Variants in PKD2L1 observed in about 807,000 individuals in gnomAD.
PKD2L1 encodes the protein polycystin-2-like protein 1.
In PKD2L1, 77 loss-of-function variants were observed where a neutral mutation model predicts 93.0. That is an observed-to-expected ratio of 0.83 (90% CI 0.69 to 1.00). The LOEUF (loss-of-function observed/expected upper bound fraction) is 1.00, where lower values mean the gene tolerates loss of function less well. Among genes scored for constraint, PKD2L1 ranks in the 50% least tolerant of loss-of-function variants. PKD2L1 has a pLI of 0.00. For synonymous variants in PKD2L1, 390 were observed against 388.0 expected (o/e 1.01, Z -0.06); for missense variants, 977 against 990.9 (o/e 0.99, Z 0.19).
intron 2 of PKD2L1, among the ~76,000 whole-genome samples, chr10:100,305,095 A>G (rs1202167236): frequency 1.3e-5 from 2 of 149,738 alleles, no homozygotes; most frequent in African/African-American, 4.9e-5. Flanking sequence ...GAAATAAGTG[A>G]ATCATTTTCT....
chr10:100,307,926 G>C (rs576252922), intron 2 of PKD2L1, among the ~76,000 whole-genome samples: 3 of 152,306 alleles, frequency 2.0e-5, no homozygotes, highest in Non-Finnish European at 4.4e-5. Context: ...CACTAGACCA[G>C]AGTGGGGAAT....
chr10:100,290,193 A>G, intron 13 of PKD2L1, 55 bp from the exon 14 acceptor site: 1 of 1,607,100 alleles, frequency 6.2e-7, no homozygotes, highest in Admixed American at 1.7e-5. Context: ...TGGGGGCTGG[A>G]TGTCTAAAGA....
At chr10:100,325,465 T>C (rs1188571120) in intron 2 of PKD2L1, among the ~76,000 whole-genome samples, 1 of 152,164 alleles carries the variant, frequency 6.6e-6, no homozygotes, top group East Asian at 1.9e-4. Flanking sequence ...GCTAGGAAAC[T>C]AGTATTAGTA....
intron 2 of PKD2L1, among the ~76,000 whole-genome samples, chr10:100,313,263 C>CA (rs1296042091): frequency 3.9e-5 from 6 of 151,936 alleles, no homozygotes; most frequent in African/African-American, 9.7e-5. Context: ...CTAGCTGAAC[C>CA]AAAAAAATGT....
chr10:100,310,023 G>A (rs1260429908), intron 2 of PKD2L1, among the ~76,000 whole-genome samples: 1 of 152,140 alleles, frequency 6.6e-6, no homozygotes, highest in African/African-American at 2.4e-5. Context: ...CCATTTCTGA[G>A]GAAAAGAGAG....
At chr10:100,309,384 T>C (rs1312359807) in intron 2 of PKD2L1, among the ~76,000 whole-genome samples, 1 of 150,600 alleles carries the variant, frequency 6.6e-6, no homozygotes, top group Non-Finnish European at 1.5e-5. Flanking sequence ...TAAAACAATA[T>C]AAAAATTATA....
chr10:100,309,683 T>C (rs1848887079), intron 2 of PKD2L1, among the ~76,000 whole-genome samples: 1 of 152,190 alleles, frequency 6.6e-6, no homozygotes, highest in Non-Finnish European at 1.5e-5. Context: ...GATGACCTTG[T>C]AACCCATTTC....
intron 12 of PKD2L1, among the ~76,000 whole-genome samples, chr10:100,290,941 G>A (rs1848393089): frequency 6.6e-6 from 1 of 152,160 alleles, no homozygotes; most frequent in Admixed American, 6.5e-5. Context: ...AGTCCTCTGA[G>A]GGAATTATCA....
At chr10:100,325,344 C>T (rs567974900) in intron 2 of PKD2L1, among the ~76,000 whole-genome samples, 12 of 152,240 alleles carry the variant, frequency 7.9e-5, no homozygotes, top group African/African-American at 1.4e-4. Context: ...GAGACATCAG[C>T]GGGGTGAGGC....
Position 100,297,003 on chromosome 10 carries a change from T to C in PKD2L1, c.1162A>G (p.Ile388Val). 1.2e-6 allele frequency: 2 copies of C among 1,613,240 alleles called. No individual in the cohort carries two copies. The highest frequency in any genetic ancestry group is 1.7e-6 in the Non-Finnish European group (2 of 1,179,208). The change falls in exon 6 of 16, where the codon ATA becomes GTA. Residue 388 changes from isoleucine (I) to valine (V), a missense_variant. By Grantham distance (29) the Ile-to-Val change is conservative (BLOSUM62 3). Coordinates refer to ENST00000318222, the MANE Select transcript of PKD2L1 (RefSeq NM_016112.3). ...RLRYLSSIWN[I>V]LDLVVILLSI... is the part of the protein sequence containing the mutation. ...ACCAAGATGACCACCAGGTCCAGTA[T>C]GTTCCAGATGCTGCTGAGGTAGCGA...
rs112999554 is a variant in PKD2L1 at position 100,328,386 on chromosome 10, T to C, written c.349+825A>G. Among the ~76,000 whole-genome samples, 424 of 152,332 alleles carry C rather than the reference T, an allele frequency of 2.8e-3. 3 individuals carry two copies. Among genetic ancestry groups the C allele is most frequent in the African/African-American group, 9.9e-3 (410 of 41,586 alleles). ...CAATGGCATGTGACATGGTGGTCTC[T>C]CACATGGGACCATCACCATACCATG... On this transcript the variant is annotated intron_variant, in intron 2 of 15. Coordinates refer to ENST00000318222, the MANE Select transcript of PKD2L1 (RefSeq NM_016112.3).
At chr10:100,297,816 A>G (rs1340667293) in intron 4 of PKD2L1, among the ~76,000 whole-genome samples, 3 of 151,816 alleles carry the variant, frequency 2.0e-5, no homozygotes, top group Non-Finnish European at 2.9e-5. Flanking sequence ...ACCATTTGAG[A>G]AGGGAGAGTG....
chr10:100,322,582 A>G (rs77707932), intron 2 of PKD2L1, among the ~76,000 whole-genome samples: 1,775 of 152,374 alleles, frequency 0.012, 21 homozygotes, highest in Middle Eastern at 0.041. Context: ...CGGTAATAAG[A>G]AAAATGAAAA....
chr10:100,292,982 T>A lies in PKD2L1; in HGVS notation c.1846A>T (p.Ile616Phe). ...QKVLQGGEQEIQFEDFTNTLR... is the reference protein window; with the variant it reads ...QKVLQGGEQEFQFEDFTNTLR... ...GTGTTGGTGAAATCCTCAAACTGGA[T>A]CTCCTGCTCCCCACCCTGCAGGACC... Residue 616 changes from isoleucine to phenylalanine, a missense_variant, in exon 11 of 16, where the codon ATC becomes TTC. By Grantham distance (21) the Ile-to-Phe change is conservative. Coordinates refer to ENST00000318222, the MANE Select transcript of PKD2L1 (RefSeq NM_016112.3). 1.2e-6 allele frequency: 2 copies of A among 1,614,094 alleles called. No individual in the cohort carries two copies. Among genetic ancestry groups the A allele is most frequent in the Middle Eastern group, 1.6e-4 (1 of 6,062 alleles).
rs2134377645 is a variant in PKD2L1, at chr10:100,293,011, T to TG, written c.1816dup (p.Gln606ProfsTer14). On this transcript the variant is annotated frameshift_variant, in exon 11 of 16. Coordinates refer to ENST00000318222, the MANE Select transcript of PKD2L1 (RefSeq NM_016112.3). LOFTEE classifies it high-confidence loss of function. ...CTGCTCCCCACCCTGCAGGACCTTC[T>TG]GCACATCCGAAACCCTCTCCTTCCT... The TG allele has an allele frequency of 6.2e-7, 1 of 1,614,184 alleles. No individual in the cohort carries two copies. Among genetic ancestry groups the TG allele is most frequent in the East Asian group, 2.2e-5 (1 of 44,888 alleles).
intron 2 of PKD2L1, among the ~76,000 whole-genome samples, chr10:100,315,011 G>C (rs1186022439): frequency 1.0e-4 from 1 of 9,706 alleles, no homozygotes; most frequent in African/African-American, 6.5e-4. Context: ...AGGAAGGAAG[G>C]AAGGGAAGGG....
chr10:100,308,738 C>T (rs1318955403), intron 2 of PKD2L1, among the ~76,000 whole-genome samples: 1 of 152,196 alleles, frequency 6.6e-6, no homozygotes, highest in Non-Finnish European at 1.5e-5. Context: ...GTGATTTAAC[C>T]ACTATTCTAC....
At chr10:100,317,086 C>A (rs7072376) in intron 2 of PKD2L1, among the ~76,000 whole-genome samples, 106,524 of 151,872 alleles carry the variant, frequency 0.7, 39,848 homozygotes, top group Non-Finnish European at 0.84. Flanking sequence ...GAGATTCCAT[C>A]TCAAAAAAAT....
intron 10 of PKD2L1, 28 bp downstream of exon 10, chr10:100,293,253 G>T: frequency 1.9e-6 from 3 of 1,553,114 alleles, no homozygotes; most frequent in South Asian, 1.1e-5. Flanking sequence ...TGATGGAAAT[G>T]TGTAGCTCAA....
Sources: gnomAD v4.1 joint callset for allele counts (sites outside exome capture counted in the v4.1 genomes callset) on GRCh38, gnomAD v4.1.1 for gene constraint, MANE v1.5 for transcripts, NCBI Gene and HGNC (gene_info 2026-07-23, HGNC 2026-07-21) for gene names.